Variants in OSBPL5 observed in about 807,000 individuals in gnomAD.
OSBPL5 encodes the protein oxysterol binding protein like 5, also known as oxysterol-binding protein-related protein 5.
OSBPL5 carries 71 observed loss-of-function variants against 111.2 expected under a neutral mutation model. The observed-to-expected ratio is 0.64, with a 90% CI of 0.53 to 0.78. The LOEUF is 0.78. Ranked by LOEUF, OSBPL5 falls within the 30% of genes least tolerant of loss-of-function variation. OSBPL5 has a pLI of 0.00. For synonymous variants in OSBPL5, 549 were observed against 513.9 expected (o/e 1.07, Z -0.93); for missense variants, 1,210 against 1,189.3 (o/e 1.02, Z -0.26).
intron 3 of OSBPL5, among the ~76,000 whole-genome samples, chr11:3,125,291 C>G (rs1016430144): frequency 6.6e-6 from 1 of 152,188 alleles, no homozygotes; most frequent in Non-Finnish European, 1.5e-5. Flanking sequence ...AATCATGTAT[C>G]GGATAAGGAC....
intron 10 of OSBPL5, among the ~76,000 whole-genome samples, chr11:3,103,783 AGTCCCTTCC>A (rs1857566391): frequency 3.9e-5 from 2 of 51,388 alleles, no homozygotes; most frequent in Admixed American, 1.9e-4. Context: ...CAGCCTCTGC[AGTCCCTTCC>A]TGCCTCTGCA....
intron 1 of OSBPL5, among the ~76,000 whole-genome samples, chr11:3,134,645 T>C (rs1845902296): frequency 1.3e-5 from 2 of 152,182 alleles, no homozygotes; most frequent in Admixed American, 6.5e-5. Context: ...AGGGAACACT[T>C]TGGACTTGGG....
intron 1 of OSBPL5, among the ~76,000 whole-genome samples, chr11:3,152,430 G>C (rs1376847690): frequency 6.6e-6 from 1 of 152,208 alleles, no homozygotes; most frequent in Non-Finnish European, 1.5e-5. Context: ...CACACTGAAA[G>C]CTGTTCTAAA....
intron 1 of OSBPL5, among the ~76,000 whole-genome samples, chr11:3,151,104 G>A (rs112334132): frequency 3.3e-5 from 5 of 152,156 alleles, no homozygotes; most frequent in African/African-American, 7.2e-5. Context: ...AGGGGAGAAC[G>A]TGCCGTGAAG....
intron 2 of OSBPL5, among the ~76,000 whole-genome samples, chr11:3,127,281 C>T (rs951940608): frequency 6.6e-6 from 1 of 152,210 alleles, no homozygotes; most frequent in South Asian, 2.1e-4. Flanking sequence ...CACTGAGACT[C>T]GGAGGGGCTG....
chr11:3,144,972 G>C (rs1489159256), intron 1 of OSBPL5, among the ~76,000 whole-genome samples: 4 of 152,236 alleles, frequency 2.6e-5, no homozygotes, highest in African/African-American at 9.6e-5. Context: ...CACATTTTTG[G>C]GGGACGCTGT....
chr11:3,115,615 A>C (rs1858182069), intron 7 of OSBPL5, among the ~76,000 whole-genome samples: 1 of 152,248 alleles, frequency 6.6e-6, no homozygotes, highest in Non-Finnish European at 1.5e-5. Flanking sequence ...GTTCCTCTAT[A>C]AATTAATCAT....
intron 7 of OSBPL5, among the ~76,000 whole-genome samples, chr11:3,118,244 C>T (rs1033021063): frequency 6.6e-5 from 10 of 152,222 alleles, no homozygotes; most frequent in African/African-American, 2.4e-4. Flanking sequence ...TAGGGGCCAA[C>T]CTGCCCCCCC....
intron 1 of OSBPL5, among the ~76,000 whole-genome samples, chr11:3,158,643 G>A (rs1216528018): frequency 6.6e-6 from 1 of 152,250 alleles, no homozygotes; most frequent in African/African-American, 2.4e-5. Context: ...CATGGTCAGT[G>A]ACACATGAGG....
In OSBPL5 at chr11:3,090,665, G is replaced by C. The variant is rs756665101; in HGVS notation, c.2291C>G (p.Ala764Gly). Reference sequence around the variant, plus strand: ...GCTGTGGCCGGAGGGCTGGTCGCTGGCCTTGCGAAGCCGCTGGTCTGGGCC... The same window carrying C: ...GCTGTGGCCGGAGGGCTGGTCGCTGCCCTTGCGAAGCCGCTGGTCTGGGCC... ...RSGPDQRLRK[A>G]SDQPSGHSQA... is the part of the protein sequence containing the mutation. Residue 764 changes from alanine to glycine, a missense_variant, in exon 20 of 22, where the codon GCC becomes GGC. By Grantham distance (60) the Ala-to-Gly change is moderately conservative. Transcript: ENST00000263650. 8 of 1,611,582 alleles carry C rather than the reference G, an allele frequency of 5.0e-6. No homozygotes were observed. The highest frequency in any genetic ancestry group is 1.7e-5 in the Admixed American group (1 of 59,924).
At chr11:3,153,770 G>A (rs1846662881) in intron 1 of OSBPL5, among the ~76,000 whole-genome samples, 1 of 152,264 alleles carries the variant, frequency 6.6e-6, no homozygotes, top group Admixed American at 6.5e-5. Context: ...ACAGCCCCAA[G>A]TTGGCACGAC....
At position 3,093,607 on chromosome 11, in the gene OSBPL5, G is replaced by T; in HGVS notation, c.1866C>A (p.Thr622=). The T allele has an allele frequency of 6.2e-7, 1 of 1,612,924 alleles. No individual in the cohort carries two copies. Among genetic ancestry groups the T allele is most frequent in the Non-Finnish European group, 8.5e-7 (1 of 1,179,962 alleles). The change falls in exon 17 of 22, where the codon ACC becomes ACA. Residue 622 remains threonine (T), a synonymous_variant. Transcript: ENST00000263650. ...TCTGTCTGCGGACCTCCCCGCTCGG[G>T]GTCCAGAAAAGCGCACTGCTTCCGC... ...EGSGSSALFW[T]PSGEVRRQRL...
At position 3,092,954 on chromosome 11, in the gene OSBPL5, C is replaced by A. The variant is rs138921217; in HGVS notation, c.2045G>T (p.Arg682Leu). 1.4e-5 allele frequency: 23 copies of A among 1,589,380 alleles called. No homozygotes were observed. The African/African-American group carries it at 1.5e-4, about 10-fold the overall frequency. Residue 682 changes from arginine to leucine, a missense_variant, in exon 18 of 22, where the codon CGT becomes CTT. Physicochemically the swap from Arg to Leu is moderately radical, Grantham distance 102. Coordinates refer to ENST00000263650, the MANE Select transcript of OSBPL5 (RefSeq NM_020896.4). The surrounding 1 kb of genome is among the most constrained non-coding windows in gnomAD (Gnocchi z 5.4). ...ALEEAQRQRA[R>L]ERQESLMPWK... ...GGGCATGAGGCTCTCCTGCCGCTCA[C>A]GGGCCCGCTGCCGCTGTGCCTCCTC...
rs1857192883 is a variant in OSBPL5, at chr11:3,094,598, C to T, written c.1622-264G>A. The stretch of plus-strand genomic sequence containing the variant: ...AGCCTGGGAGGCACGCCTGGTCCCT[C>T]AGGGGCCGTCTCCCCCACTAAGGGG... On this transcript the variant is annotated intron_variant, in intron 14 of 21. Coordinates refer to ENST00000263650, the MANE Select transcript of OSBPL5 (RefSeq NM_020896.4). 1.3e-5 allele frequency: 6 copies of T among 473,850 alleles called. No homozygotes were observed. In the South Asian group the frequency reaches 1.3e-4, roughly 10 times the overall value. The allele number at this position is 473,850 out of a possible 1,614,324, so 29.4% of individuals were successfully genotyped here.
rs953151678 is a variant in OSBPL5 at position 3,141,759 on chromosome 11, A to C, written c.-21-12590T>G. 7.2e-5 allele frequency among the ~76,000 whole-genome samples: 11 copies of C among 152,054 alleles called. No individual in the cohort carries two copies. The highest frequency in any genetic ancestry group is 2.4e-4 in the African/African-American group (10 of 41,384). Reference sequence around the variant, plus strand: ...GTCCTCCCCTGGGCACAGGATGCTAAATGGGGTGACAGTAGGAACACCCAC... The same window carrying C: ...GTCCTCCCCTGGGCACAGGATGCTACATGGGGTGACAGTAGGAACACCCAC... On this transcript the variant is annotated intron_variant, in intron 1 of 21. Coordinates refer to ENST00000263650, the MANE Select transcript of OSBPL5 (RefSeq NM_020896.4). This position sits in a 1 kb window ranked among gnomAD's most constrained non-coding sequence, Gnocchi z 6.5.
Position 3,107,280 on chromosome 11 carries a change from G to A in OSBPL5, c.1042C>T (p.Gln348Ter), listed in dbSNP as rs2134423901. The A allele has an allele frequency of 1.2e-6, 2 of 1,613,242 alleles. No individual in the cohort carries two copies. Among genetic ancestry groups the A allele is most frequent in the Non-Finnish European group, 1.7e-6 (2 of 1,179,904 alleles). The change falls in exon 9 of 22, where the codon CAG becomes TAG. Residue 348 changes from glutamine to a stop codon, truncating the protein, a stop_gained. Coordinates refer to ENST00000263650, the MANE Select transcript of OSBPL5 (RefSeq NM_020896.4). LOFTEE classifies it high-confidence loss of function. The surrounding 1 kb of genome is among the most constrained non-coding windows in gnomAD (Gnocchi z 6.1). The stretch of plus-strand genomic sequence containing the variant: ...GCTCTCACCTCCCCCAGCTCCTCCT[G>A]GACCTGCTCCACATAGGTGGTCCCT... Reference protein sequence around the residue: ...RRGTTYVEQVQEELGELGEAS... With the variant: ...RRGTTYVEQV
At chr11:3,099,083 C>T (rs1857372173) in intron 14 of OSBPL5, among the ~76,000 whole-genome samples, 1 of 152,204 alleles carries the variant, frequency 6.6e-6, no homozygotes, top group Non-Finnish European at 1.5e-5. Flanking sequence ...GATTTATAGG[C>T]ATGAGCCATC....
At chr11:3,103,803 G>GC (rs1278640682) in intron 10 of OSBPL5, among the ~76,000 whole-genome samples, 1 of 42,752 alleles carries the variant, frequency 2.3e-5, no homozygotes, top group African/African-American at 6.0e-5. Context: ...TGCCTCTGCA[G>GC]CCCTCTTCCT....
intron 7 of OSBPL5, among the ~76,000 whole-genome samples, chr11:3,119,240 A>T (rs368930515): frequency 6.6e-6 from 1 of 151,644 alleles, no homozygotes; most frequent in Non-Finnish European, 1.5e-5. Context: ...TGAACTCCTG[A>T]CCTCAAGTAA....
Sources: gnomAD v4.1 joint callset for allele counts (sites outside exome capture counted in the v4.1 genomes callset) on GRCh38, gnomAD v4.1.1 for gene constraint, Gnocchi (gnomAD v3.1) non-coding constraint, MANE v1.5 for transcripts, NCBI Gene and HGNC (gene_info 2026-07-23, HGNC 2026-07-21) for gene names.